Variants in ADD3 observed in about 807,000 individuals in gnomAD.
ADD3 encodes the protein adducin 3, also known as gamma-adducin.
In ADD3, 25 loss-of-function variants were observed where a neutral mutation model predicts 80.2. The ratio of observed to expected loss-of-function variants is 0.31; its 90% CI spans 0.23 to 0.44. The LOEUF is 0.44. Ranked by LOEUF, ADD3 falls within the 20% of genes least tolerant of loss-of-function variation. ADD3 has a pLI of 1.00. For synonymous variants in ADD3, 284 were observed against 289.6 expected, an observed-to-expected ratio of 0.98 and a Z score of 0.20; for missense variants, 829 against 847.5, an observed-to-expected ratio of 0.98 and a Z score of 0.27.
chr10:110,000,741 T>G (rs9783184), intron 1 of ADD3, among the ~76,000 whole-genome samples: 39,782 of 152,074 alleles, frequency 0.26, 7,518 homozygotes, highest in African/African-American at 0.52. Context: ...GTTAATTCTA[T>G]GCTTTGATAT....
At chr10:110,065,686 T>G (rs944978734) in intron 1 of ADD3, among the ~76,000 whole-genome samples, 2 of 151,200 alleles carry the variant, frequency 1.3e-5, no homozygotes, top group African/African-American at 4.9e-5. Flanking sequence ...ATTACAGGTG[T>G]GTGCCACCAT....
At chr10:110,065,539 C>CCTTTTTTTTTTTTTTTTTTTTTTTTTTT (rs1843806502) in intron 1 of ADD3, among the ~76,000 whole-genome samples, 4 of 31,182 alleles carry the variant, frequency 1.3e-4, no homozygotes, top group African/African-American at 2.4e-4. Flanking sequence ...TCTCTCTCCC[C>CCTTTTTTTTTTTTTTTTTTTTTTTTTTT]TTTTTTTTTT....
At chr10:110,105,110 TAAC>T (rs1371809912) in intron 2 of ADD3, among the ~76,000 whole-genome samples, 1 of 152,156 alleles carries the variant, frequency 6.6e-6, no homozygotes, top group Non-Finnish European at 1.5e-5. Context: ...GCTGAGAAAA[TAAC>T]AAATAATTTT....
intron 1 of ADD3, among the ~76,000 whole-genome samples, chr10:110,076,143 C>CT (rs1380553390): frequency 6.6e-6 from 1 of 152,084 alleles, no homozygotes; most frequent in African/African-American, 2.4e-5. Context: ...TTTACTCAAA[C>CT]TTTAATTTTA....
intron 1 of ADD3, among the ~76,000 whole-genome samples, chr10:110,091,812 C>T (rs1247107840): frequency 6.6e-6 from 1 of 152,176 alleles, no homozygotes; most frequent in African/African-American, 2.4e-5. Context: ...AACAGACAAC[C>T]TGCAGAATGG....
At chr10:110,001,975 T>C (rs186209121), upstream of ADD3, among the ~76,000 whole-genome samples, 1 of 152,338 alleles carries the variant, frequency 6.6e-6, no homozygotes, top group Admixed American at 6.5e-5. Context: ...TTTGCATTCA[T>C]TTTAAAGTTT....
chr10:110,079,455 AGAGAGAGTGTGT>A (rs1374691075), intron 1 of ADD3, among the ~76,000 whole-genome samples: 247 of 125,548 alleles, frequency 2.0e-3, no homozygotes, highest in African/African-American at 5.3e-3. Flanking sequence ...AGAGAGAGAG[AGAGAGAGTGTGT>A]GTGTGTGTGT....
At chr10:110,036,148 C>T (rs1031800148) in intron 1 of ADD3, among the ~76,000 whole-genome samples, 1 of 151,898 alleles carries the variant, frequency 6.6e-6, no homozygotes, top group Non-Finnish European at 1.5e-5. Flanking sequence ...GAGACTCCAT[C>T]TCAAAAAAAC....
chr10:110,031,203 G>C (rs531344340), intron 1 of ADD3, among the ~76,000 whole-genome samples: 25 of 152,326 alleles, frequency 1.6e-4, no homozygotes, highest in African/African-American at 5.8e-4. Context: ...GAACCCGGAG[G>C]GGGAGGTTGC....
chr10:110,016,213 G>A (rs999673301), intron 1 of ADD3, among the ~76,000 whole-genome samples: 2 of 152,188 alleles, frequency 1.3e-5, no homozygotes, highest in Admixed American at 6.5e-5. Context: ...TGAATGGCCA[G>A]CATCAAGTTG....
chr10:110,060,463 A>G (rs1447758244), intron 1 of ADD3, among the ~76,000 whole-genome samples: 6 of 152,358 alleles, frequency 3.9e-5, no homozygotes, highest in South Asian at 2.1e-4. Context: ...ATTTTAGCCT[A>G]GTGCTATAAT....
At chr10:110,085,832 A>T (rs1846659991) in intron 1 of ADD3, among the ~76,000 whole-genome samples, 1 of 152,202 alleles carries the variant, frequency 6.6e-6, no homozygotes, top group Non-Finnish European at 1.5e-5. Context: ...TGGGCCGGGC[A>T]TGGTGGCTCA....
intron 1 of ADD3, among the ~76,000 whole-genome samples, chr10:110,086,833 C>A (rs1297057403): frequency 6.6e-6 from 1 of 152,092 alleles, no homozygotes; most frequent in Non-Finnish European, 1.5e-5. Context: ...AGAGTGGGAA[C>A]AACTGCAAGA....
intron 1 of ADD3, among the ~76,000 whole-genome samples, chr10:109,999,985 T>G (rs1328511096): frequency 1.3e-5 from 2 of 150,714 alleles, no homozygotes; most frequent in Non-Finnish European, 2.9e-5. Context: ...AATGGTGCGA[T>G]CTCGGCTCAC....
intron 1 of ADD3, among the ~76,000 whole-genome samples, chr10:110,037,448 T>C (rs1855793668): frequency 6.7e-6 from 1 of 149,292 alleles, no homozygotes; most frequent in Non-Finnish European, 1.5e-5. Context: ...CTACTGAAAA[T>C]ATAAAAACTA....
chr10:110,063,780 T>TATATAAATAA (rs1554927136), intron 1 of ADD3, among the ~76,000 whole-genome samples: 4 of 112,570 alleles, frequency 3.6e-5, no homozygotes, highest in African/African-American at 1.0e-4. Context: ...TATATATATA[T>TATATAAATAA]ATAAAGTGAA....
intron 1 of ADD3, among the ~76,000 whole-genome samples, chr10:110,066,264 G>A (rs1343544905): frequency 6.6e-6 from 1 of 152,134 alleles, no homozygotes; most frequent in Non-Finnish European, 1.5e-5. Context: ...TTGTTTTTGA[G>A]AGTCTCTCTC....
chr10:110,101,809 T>G (rs11194982), intron 2 of ADD3, among the ~76,000 whole-genome samples: 2,586 of 151,924 alleles, frequency 0.017, 69 homozygotes, highest in African/African-American at 0.056. Context: ...AAAATGAATT[T>G]GTAACTTTCT....
chr10:110,102,460 T>C (rs1174462725), intron 2 of ADD3, among the ~76,000 whole-genome samples: 1 of 151,986 alleles, frequency 6.6e-6, no homozygotes, highest in Non-Finnish European at 1.5e-5. Context: ...AATTAAAAAA[T>C]TAGTCGAGCG....
Sources: allele counts gnomAD v4.1 joint callset (sites outside exome capture counted in the v4.1 genomes callset), GRCh38; gene constraint gnomAD v4.1.1; transcripts MANE v1.5; gene names NCBI Gene and HGNC (gene_info 2026-07-23, HGNC 2026-07-21).